Variants in JPH3 observed in about 807,000 individuals in gnomAD.
JPH3 encodes junctophilin-3.
In JPH3, 11 loss-of-function variants were observed where a neutral mutation model predicts 59.6. The observed-to-expected ratio is 0.18, with a 90% confidence interval of 0.12 to 0.31. The LOEUF is 0.31. Ranked by LOEUF, JPH3 falls within the 10% of genes least tolerant of loss-of-function variation. The pLI, the probability that JPH3 is intolerant of heterozygous loss-of-function variation, is 1.00. For missense variants in JPH3, 1,202 were observed against 1,105.7 expected (o/e 1.09, Z -1.24); for synonymous variants, 673 against 483.6 (o/e 1.39, Z -5.14).
At chr16:87,683,836 G>C (rs1343894760) in intron 2 of JPH3, 1 of 320,146 alleles carries the variant, frequency 3.1e-6, no homozygotes, top group East Asian at 7.1e-5. Context: ...GAACGCCTGA[G>C]CTCAAGCGAT....
At chr16:87,635,912 G>A (rs934292087) in intron 1 of JPH3, among the ~76,000 whole-genome samples, 3 of 152,242 alleles carry the variant, frequency 2.0e-5, no homozygotes, top group Non-Finnish European at 2.9e-5. Context: ...GGTCTGGAAG[G>A]AAGCAGGGCA....
intron 2 of JPH3, among the ~76,000 whole-genome samples, chr16:87,646,194 C>T (rs933698046): frequency 2.6e-5 from 4 of 152,244 alleles, no homozygotes; most frequent in African/African-American, 4.8e-5. Flanking sequence ...CAGCCCTTCC[C>T]GACCTGTCGC....
At position 87,697,816 on chromosome 16, in the gene JPH3, T is replaced by TTATG. The variant is rs2033958765; in HGVS notation, c.*1158_*1161dup. 1 of 152,262 alleles carries TTATG rather than the reference T, an allele frequency of 6.6e-6. No individual in the cohort carries two copies. Among genetic ancestry groups the TTATG allele is most frequent in the South Asian group, 2.1e-4 (1 of 4,824 alleles). The allele number at this position is 152,262 out of a possible 1,614,324, so 9.4% of individuals were successfully genotyped here. A position where few individuals can be genotyped will look rare whatever the true frequency, so the allele number is the denominator to read the frequency against. ...GTTCAGTCCAACAAAAACAGGTTCCTTATGTTTCTGCCTTCTCCACCAGGG... is the reference window on the plus strand; with the variant it reads ...GTTCAGTCCAACAAAAACAGGTTCCTTATGTATGTTTCTGCCTTCTCCACCAGGG... On this transcript the variant is annotated 3_prime_UTR_variant, in exon 5 of 5. Transcript: ENST00000284262.
chr16:87,643,691 G>A (rs1348014626), intron 1 of JPH3, among the ~76,000 whole-genome samples: 1 of 152,168 alleles, frequency 6.6e-6, no homozygotes, highest in African/African-American at 2.4e-5. Context: ...CACAGACTCT[G>A]ATGCCTCCCT....
intron 2 of JPH3, among the ~76,000 whole-genome samples, chr16:87,665,532 A>T (rs534572420): frequency 3.7e-4 from 56 of 152,322 alleles, no homozygotes; most frequent in African/African-American, 1.3e-3. Flanking sequence ...GCCCCCCAAC[A>T]TTGTGGGGTG....
chr16:87,613,434 C>T (rs376335881), intron 1 of JPH3, among the ~76,000 whole-genome samples: 1 of 152,098 alleles, frequency 6.6e-6, no homozygotes, highest in Non-Finnish European at 1.5e-5. Context: ...CATTCTCCTG[C>T]CTCTGCCTCC....
At chr16:87,674,714 T>C (rs1031084457) in intron 2 of JPH3, among the ~76,000 whole-genome samples, 1 of 152,216 alleles carries the variant, frequency 6.6e-6, no homozygotes. Flanking sequence ...ATTCTGTACA[T>C]TGTAAAATTT....
chr16:87,668,230 G>C (rs889785285), intron 2 of JPH3, among the ~76,000 whole-genome samples: 2 of 152,180 alleles, frequency 1.3e-5, no homozygotes, highest in Non-Finnish European at 2.9e-5. Flanking sequence ...GCGGCTGCTG[G>C]ATCTGGAGGC....
At chr16:87,678,835 C>T (rs1314364969) in intron 2 of JPH3, among the ~76,000 whole-genome samples, 1 of 152,222 alleles carries the variant, frequency 6.6e-6, no homozygotes, top group Admixed American at 6.5e-5. Context: ...GGGAGTAAGG[C>T]CACCACGAGC....
chr16:87,674,191 A>G (rs530187253), intron 2 of JPH3, among the ~76,000 whole-genome samples: 1 of 150,922 alleles, frequency 6.6e-6, no homozygotes, highest in Non-Finnish European at 1.5e-5. Flanking sequence ...AAAATTAGCC[A>G]GGCGTGGTGG....
intron 1 of JPH3, among the ~76,000 whole-genome samples, chr16:87,620,465 GGA>G (rs1393612892): frequency 7.3e-6 from 1 of 137,802 alleles, no homozygotes; most frequent in African/African-American, 2.8e-5. Flanking sequence ...GGAGAGAGAG[GGA>G]GAGAAGGAGA....
chr16:87,642,680 A>G (rs988247762), intron 1 of JPH3, among the ~76,000 whole-genome samples: 1 of 152,174 alleles, frequency 6.6e-6, no homozygotes, highest in African/African-American at 2.4e-5. Flanking sequence ...GAGAAGCTCA[A>G]ATGACAAATG....
At position 87,697,922 on chromosome 16, in the gene JPH3, C is replaced by A. The variant is rs879120737; in HGVS notation, c.*1262C>A. 1 of 152,470 alleles carries A rather than the reference C, an allele frequency of 6.6e-6. No homozygotes were observed. The highest frequency in any genetic ancestry group is 1.5e-5 in the Non-Finnish European group (1 of 68,038). 9.4% of individuals were successfully genotyped at this position (152,470 alleles called of 1,614,324 possible). A position where few individuals can be genotyped will look rare whatever the true frequency, so the allele number is the denominator to read the frequency against. On this transcript the variant is annotated 3_prime_UTR_variant, in exon 5 of 5. Transcript: ENST00000284262. Reference sequence around the variant, plus strand: ...TGGCCCTGGCTCTCGTGTGCATGGACGTGCCTGAGGGGTCCGGGCACGGCC... The same window carrying A: ...TGGCCCTGGCTCTCGTGTGCATGGAAGTGCCTGAGGGGTCCGGGCACGGCC...
At chr16:87,683,875 G>A (rs1038839483) in intron 2 of JPH3, 24 of 412,214 alleles carry the variant, frequency 5.8e-5, no homozygotes, top group Admixed American at 1.2e-4. Context: ...CAAAGTGCTG[G>A]GATTACAGGC....
chr16:87,658,655 C>T (rs754969308), intron 2 of JPH3, among the ~76,000 whole-genome samples: 7 of 152,176 alleles, frequency 4.6e-5, no homozygotes, highest in Non-Finnish European at 8.8e-5. Context: ...CAGGTGACAC[C>T]GTGTGGGCAT....
chr16:87,640,722 C>T (rs1207825795), intron 1 of JPH3, among the ~76,000 whole-genome samples: 5 of 152,172 alleles, frequency 3.3e-5, no homozygotes, highest in Admixed American at 3.3e-4. Context: ...TAAGTATGTC[C>T]CATGCAGCGT....
intron 2 of JPH3, among the ~76,000 whole-genome samples, chr16:87,664,572 C>T (rs2032804443): frequency 6.6e-6 from 1 of 152,126 alleles, no homozygotes; most frequent in South Asian, 2.1e-4. Flanking sequence ...TTGCAGTGAG[C>T]CGAGATCGCG....
chr16:87,695,472 G>C (rs560958971), intron 4 of JPH3: 1 of 455,940 alleles, frequency 2.2e-6, no homozygotes, highest in Admixed American at 2.3e-5. Context: ...GCTCTGAACA[G>C]CTCCTTACCA....
chr16:87,687,303 A>C (rs959133440), intron 3 of JPH3, among the ~76,000 whole-genome samples: 1 of 152,208 alleles, frequency 6.6e-6, no homozygotes. Context: ...GCGCTCAGGC[A>C]GGATGTGGTG....
Sources: allele counts gnomAD v4.1 joint callset (sites outside exome capture counted in the v4.1 genomes callset), GRCh38; gene constraint gnomAD v4.1.1; transcripts MANE v1.5; gene names NCBI Gene and HGNC (gene_info 2026-07-23, HGNC 2026-07-21).